The following ADAMTS19 variants were observed in gnomAD, a reference collection of about 807,000 sequenced individuals.
ADAMTS19 encodes the protein ADAM metallopeptidase with thrombospondin type 1 motif 19.
Under a neutral mutation model 153.3 loss-of-function variants are expected in ADAMTS19, and 93 were observed. The ratio of observed to expected loss-of-function variants is 0.61; its 90% CI spans 0.51 to 0.72. The LOEUF (loss-of-function observed/expected upper bound fraction) is 0.72, where lower values mean the gene tolerates loss of function less well. Ranked by LOEUF, ADAMTS19 falls within the 30% of genes least tolerant of loss-of-function variation. The pLI, the probability that ADAMTS19 is intolerant of heterozygous loss-of-function variation, is 0.00. For missense variants in ADAMTS19, 1,482 were observed against 1,552.1 expected, an observed-to-expected ratio of 0.95 and a Z score of 0.76; for synonymous variants, 600 against 556.6, an observed-to-expected ratio of 1.08 and a Z score of -1.10.
chr5:129,694,646 A>AGCTTATTAT, intron 18 of ADAMTS19, 74 bp from the exon 19 acceptor site: 1 of 1,139,744 alleles, frequency 8.8e-7, no homozygotes, highest in Non-Finnish European at 1.1e-6. Context: ...AAGCATAATA[A>AGCTTATTAT]GCTTATGAAC....
chr5:129,505,322 G>T (rs1471837774), intron 2 of ADAMTS19, among the ~76,000 whole-genome samples: 1 of 152,124 alleles, frequency 6.6e-6, no homozygotes, highest in African/African-American at 2.4e-5. Flanking sequence ...AAGCGAAATA[G>T]TCATCCCCAT....
chr5:129,730,663 A>G (rs1464601165), intron 21 of ADAMTS19, among the ~76,000 whole-genome samples: 1 of 152,148 alleles, frequency 6.6e-6, no homozygotes, highest in African/African-American at 2.4e-5. Flanking sequence ...AGTAATTTCC[A>G]AACTCAGACC....
rs756287679 is a variant in ADAMTS19 at position 129,677,007 on chromosome 5, C to T, written c.2507-2757C>T. On this transcript the variant is annotated intron_variant, in intron 16 of 22. Coordinates refer to ENST00000274487, the MANE Select transcript of ADAMTS19 (RefSeq NM_133638.6). ...ACAGGAGAAAAAAATGGAATTGTAC[C>T]GACCTTAGTACATATCTAGGCCAAA... Among the ~76,000 whole-genome samples, 6 of 151,998 alleles carry T rather than the reference C, an allele frequency of 3.9e-5. No individual in the cohort carries two copies. In the South Asian group the frequency reaches 6.2e-4, roughly 16 times the overall value.
Position 129,461,341 on chromosome 5 carries a change from C to A in ADAMTS19, c.331C>A (p.Pro111Thr). The stretch of plus-strand genomic sequence containing the variant: ...GGGCCGATCAGAGTCCCGGCTCCGG[C>A]CCCCGCCGCCGTCGGAGGGTGAGGA... The part of the protein sequence containing the change: ...VEGRSESRLR[P>T]PPPSEGEEDE... The change falls in exon 2 of 23, where the codon CCC (proline) becomes ACC (threonine). Residue 111 changes from proline (P) to threonine (T), a missense_variant. Transcript: ENST00000274487. This position sits in a 1 kb window ranked among gnomAD's most constrained non-coding sequence, Gnocchi z 4.6. The A allele has an allele frequency of 1.5e-6, 2 of 1,333,050 alleles. No homozygotes were observed. Among genetic ancestry groups the A allele is most frequent in the Non-Finnish European group, 1.9e-6 (2 of 1,050,876 alleles). The allele number at this position is 1,333,050 out of a possible 1,614,324, so 82.6% of individuals were successfully genotyped here. A position where few individuals can be genotyped will look rare whatever the true frequency, so the allele number is the denominator to read the frequency against.
intron 6 of ADAMTS19, among the ~76,000 whole-genome samples, chr5:129,536,732 T>TA (rs1245327337): frequency 6.6e-6 from 1 of 152,036 alleles, no homozygotes; most frequent in Non-Finnish European, 1.5e-5. Context: ...TATGCAGCCA[T>TA]AAAAAATGAA....
At chr5:129,630,225 C>T (rs1752227586) in intron 10 of ADAMTS19, among the ~76,000 whole-genome samples, 1 of 151,946 alleles carries the variant, frequency 6.6e-6, no homozygotes, top group African/African-American at 2.4e-5. Context: ...ATGTTTGCAC[C>T]AACCTAATAT....
chr5:129,499,563 A>C (rs1751033748), intron 2 of ADAMTS19, among the ~76,000 whole-genome samples: 1 of 152,142 alleles, frequency 6.6e-6, no homozygotes, highest in Admixed American at 6.6e-5. Flanking sequence ...TTTACAAGAA[A>C]ATGAAGAGCA....
chr5:129,554,998 C>T (rs910903036), intron 7 of ADAMTS19, among the ~76,000 whole-genome samples: 2 of 152,134 alleles, frequency 1.3e-5, no homozygotes, highest in Admixed American at 1.3e-4. Flanking sequence ...ATTTTAAAAT[C>T]TCCTCATGTA....
intron 18 of ADAMTS19, among the ~76,000 whole-genome samples, chr5:129,692,750 G>A (rs1425877145): frequency 6.6e-6 from 1 of 152,154 alleles, no homozygotes; most frequent in Non-Finnish European, 1.5e-5. Flanking sequence ...TCTGCCTATA[G>A]GCCATGATTT....
At chr5:129,702,868 C>T (rs191419504) in intron 20 of ADAMTS19, among the ~76,000 whole-genome samples, 2 of 143,082 alleles carry the variant, frequency 1.4e-5, no homozygotes, top group Admixed American at 7.2e-5. Flanking sequence ...ATTGAAAAAA[C>T]GTCTATTGTT....
chr5:129,711,318 G>A (rs1340779457), intron 21 of ADAMTS19, among the ~76,000 whole-genome samples: 1 of 152,148 alleles, frequency 6.6e-6, no homozygotes, highest in East Asian at 1.9e-4. Context: ...AGACACATTA[G>A]TAAAATTGGT....
intron 6 of ADAMTS19, among the ~76,000 whole-genome samples, chr5:129,543,059 T>C (rs1286677548): frequency 6.6e-6 from 1 of 151,434 alleles, no homozygotes; most frequent in Non-Finnish European, 1.5e-5. Context: ...TTTTTTTTTT[T>C]TTAATTTAAG....
intron 2 of ADAMTS19, among the ~76,000 whole-genome samples, chr5:129,477,374 G>T (rs1354633027): frequency 2.0e-5 from 3 of 152,020 alleles, no homozygotes; most frequent in Admixed American, 1.3e-4. Context: ...TCCTTCTTTT[G>T]TCAGGCCCCA....
intron 7 of ADAMTS19, among the ~76,000 whole-genome samples, chr5:129,552,565 CTGTG>C (rs934934361): frequency 1.7e-4 from 26 of 151,374 alleles, no homozygotes; most frequent in Non-Finnish European, 2.8e-4. Flanking sequence ...AGTTACATAG[CTGTG>C]TGTAACAATA....
At chr5:129,540,609 A>G (rs1752623125) in intron 6 of ADAMTS19, among the ~76,000 whole-genome samples, 1 of 152,112 alleles carries the variant, frequency 6.6e-6, no homozygotes, top group Admixed American at 6.6e-5. Context: ...GCCATTGGCA[A>G]GTAAGAGAAA....
intron 21 of ADAMTS19, among the ~76,000 whole-genome samples, chr5:129,730,755 C>T (rs2053038): frequency 0.016 from 2,394 of 152,122 alleles, 61 homozygotes; most frequent in African/African-American, 0.053. Context: ...AGAAATTCTA[C>T]GTCTTAAAAT....
chr5:129,501,537 AT>A (rs545037007), intron 2 of ADAMTS19, among the ~76,000 whole-genome samples: 24 of 151,424 alleles, frequency 1.6e-4, no homozygotes, highest in East Asian at 9.7e-4. Flanking sequence ...AAAGATGAGG[AT>A]TTTTTTTTGA....
intron 7 of ADAMTS19, among the ~76,000 whole-genome samples, chr5:129,573,368 C>A (rs545062268): frequency 1.4e-4 from 21 of 152,060 alleles, no homozygotes; most frequent in African/African-American, 5.1e-4. Flanking sequence ...TAAATAAATT[C>A]TTTTAGATAT....
intron 13 of ADAMTS19, among the ~76,000 whole-genome samples, chr5:129,650,196 G>T (rs1753256107): frequency 6.6e-6 from 1 of 152,102 alleles, no homozygotes; most frequent in Admixed American, 6.6e-5. Flanking sequence ...GATAATACTT[G>T]CCCATGGTGA....
Sources: gnomAD v4.1 joint callset for allele counts (sites outside exome capture counted in the v4.1 genomes callset) on GRCh38, gnomAD v4.1.1 for gene constraint, Gnocchi (gnomAD v3.1) non-coding constraint, MANE v1.5 for transcripts, NCBI Gene and HGNC (gene_info 2026-07-23, HGNC 2026-07-21) for gene names.